NMD3: variants seen among roughly 807,000 people sequenced by gnomAD.
NMD3 encodes the protein NMD3 ribosome export adaptor.
A neutral mutation model predicts 73.1 loss-of-function variants in NMD3; 47 were observed. That is an observed-to-expected ratio of 0.64 (90% CI 0.51 to 0.82). NMD3 has a LOEUF of 0.82. Ranked by LOEUF, NMD3 falls within the 40% of genes least tolerant of loss-of-function variation. The pLI is 0.00. For synonymous variants in NMD3, 210 were observed against 194.5 expected, an observed-to-expected ratio of 1.08 and a Z score of -0.66; for missense variants, 554 against 612.5, an observed-to-expected ratio of 0.90 and a Z score of 1.01.
chr3:161,247,770 C>T (rs1358842810), intron 13 of NMD3, among the ~76,000 whole-genome samples: 1 of 137,346 alleles, frequency 7.3e-6, no homozygotes, highest in African/African-American at 2.8e-5. Context: ...GGCTGGGCAA[C>T]AAGAACAAAA....
At chr3:161,223,666 GCTATGGT>G (rs2108072613) in intron 2 of NMD3, among the ~76,000 whole-genome samples, 1 of 152,324 alleles carries the variant, frequency 6.6e-6, no homozygotes, top group Non-Finnish European at 1.5e-5. Flanking sequence ...GTTCACCTAA[GCTATGGT>G]CCTCTGTATG....
intron 2 of NMD3, among the ~76,000 whole-genome samples, chr3:161,224,659 G>C (rs990388564): frequency 3.0e-4 from 45 of 151,822 alleles, no homozygotes; most frequent in Non-Finnish European, 5.9e-5. Context: ...GCTAATTTTT[G>C]TATTTTTAGT....
chr3:161,240,882 A>G (rs1404318418), intron 9 of NMD3, among the ~76,000 whole-genome samples, 164 bp from the exon 10 acceptor site: 1 of 151,842 alleles, frequency 6.6e-6, no homozygotes, highest in East Asian at 1.9e-4. Context: ...GATGCCTGTC[A>G]TACTTAAGGT....
chr3:161,250,923 G>T lies in NMD3; in HGVS notation c.*13G>T. The T allele has an allele frequency of 6.2e-7, 1 of 1,607,428 alleles. No homozygotes were observed. Among genetic ancestry groups the T allele is most frequent in the Non-Finnish European group, 8.5e-7 (1 of 1,175,986 alleles). The stretch of plus-strand genomic sequence containing the variant: ...AATGCTGACATAATGAGATGTTGTA[G>T]ACTGTTTCCATACATGGGCTTAAGA... On this transcript the variant is annotated 3_prime_UTR_variant, in exon 16 of 16. Transcript: ENST00000351193.
At chr3:161,246,942 TTG>T (rs1491074983) in intron 12 of NMD3, among the ~76,000 whole-genome samples, 4 of 150,482 alleles carry the variant, frequency 2.7e-5, no homozygotes, top group Admixed American at 6.6e-5. Context: ...TGTTTTTTTT[TTG>T]TTTGTTTGTT....
chr3:161,223,409 T>C (rs1736185746), intron 2 of NMD3, among the ~76,000 whole-genome samples: 2 of 152,144 alleles, frequency 1.3e-5, no homozygotes, highest in Admixed American at 6.5e-5. Flanking sequence ...TCATTTATAC[T>C]GAGTCTCTAG....
At chr3:161,250,367 TAAGTA>T in intron 15 of NMD3, 41 bp downstream of exon 15, 1 of 1,141,450 alleles carries the variant, frequency 8.8e-7, no homozygotes, top group Non-Finnish European at 1.3e-6. Flanking sequence ...GTTCTGTATA[TAAGTA>T]TAGTTCCTAG....
chr3:161,250,236 A>C lies in NMD3; in HGVS notation c.1311-20A>C. 3.0e-6 allele frequency: 4 copies of C among 1,341,922 alleles called. No homozygotes were observed. The highest frequency in any genetic ancestry group is 4.3e-6 in the Non-Finnish European group (4 of 936,496). The allele number at this position is 1,341,922 out of a possible 1,614,324, so 83.1% of individuals were successfully genotyped here. A position where few individuals can be genotyped will look rare whatever the true frequency, so the allele number is the denominator to read the frequency against. On this transcript the variant is annotated intron_variant, in intron 14 of 15. Transcript: ENST00000351193. ...ATAACTATATTTTTGGTGATGAAAT[A>C]TTTAAATGTTTATTTAAAGGCAATA...
intron 6 of NMD3, 26 bp from the exon 7 acceptor site, chr3:161,235,096 T>C: frequency 8.1e-7 from 1 of 1,238,826 alleles, no homozygotes; most frequent in Admixed American, 2.0e-5. Flanking sequence ...GTGGGGCATT[T>C]ATTGATCAAA....
chr3:161,238,673 G>T, intron 8 of NMD3, 57 bp from the exon 9 acceptor site: 1 of 832,050 alleles, frequency 1.2e-6, no homozygotes, highest in Non-Finnish European at 2.1e-6. Context: ...ATATTCCTGA[G>T]TCCATACAGG....
chr3:161,227,437 ATTTTTT>A (rs55825529), intron 4 of NMD3, 94 bp downstream of exon 4: 48 of 360,744 alleles, frequency 1.3e-4, no homozygotes, highest in East Asian at 2.0e-4. Context: ...TTCAAAAGGA[ATTTTTT>A]TTTTTTTTTT....
Position 161,242,689 on chromosome 3 carries a change from TC to T in NMD3, c.1017+40del, listed in dbSNP as rs777105710. The T allele has an allele frequency of 1.1e-5, 18 of 1,585,978 alleles. No homozygotes were observed. The South Asian group carries it at 1.9e-4, about 16-fold the overall frequency. The stretch of plus-strand genomic sequence containing the variant: ...TCCTGCCTGCCAGTGTATTTTTTTT[TC>T]CCCTCAGTTATTATTGTTTCAGTCC... On this transcript the variant is annotated intron_variant, in intron 11 of 15. Coordinates refer to ENST00000351193, the MANE Select transcript of NMD3 (RefSeq NM_015938.5).
chr3:161,244,463 T>G (rs1737112906), intron 11 of NMD3, among the ~76,000 whole-genome samples: 2 of 152,156 alleles, frequency 1.3e-5, no homozygotes, highest in South Asian at 4.1e-4. Context: ...AGCAAATATT[T>G]TTAGAGTAAA....
chr3:161,234,553 G>A (rs544084476), intron 5 of NMD3, among the ~76,000 whole-genome samples, 174 bp from the exon 6 acceptor site: 17 of 151,834 alleles, frequency 1.1e-4, no homozygotes, highest in Admixed American at 3.9e-4. Context: ...TCTGTATACC[G>A]TTCTTGAAAT....
At chr3:161,235,429 A>T in intron 7 of NMD3, 3 of 318,020 alleles carry the variant, frequency 9.4e-6, no homozygotes, top group Non-Finnish European at 1.8e-5. Context: ...ATGTGGCTAG[A>T]GCAACTGAGA....
At chr3:161,239,506 A>G (rs1359429943) in intron 9 of NMD3, among the ~76,000 whole-genome samples, 1 of 152,194 alleles carries the variant, frequency 6.6e-6, no homozygotes, top group African/African-American at 2.4e-5. Flanking sequence ...TGACCATTCT[A>G]CATAAAGTTA....
chr3:161,244,858 C>T (rs916490354), intron 11 of NMD3, among the ~76,000 whole-genome samples: 5 of 151,960 alleles, frequency 3.3e-5, no homozygotes, highest in African/African-American at 4.8e-5. Flanking sequence ...CTACTGCCTC[C>T]CTTATAGGAA....
At chr3:161,226,546 A>T (rs1166986998) in intron 3 of NMD3, among the ~76,000 whole-genome samples, 2 of 152,226 alleles carry the variant, frequency 1.3e-5, no homozygotes, top group Admixed American at 1.3e-4. Context: ...GTGAAAGTCA[A>T]AACTTTCTGT....
chr3:161,249,334 C>T (rs1737381386), intron 13 of NMD3, 120 bp from the exon 14 acceptor site: 1 of 595,316 alleles, frequency 1.7e-6, no homozygotes, highest in Non-Finnish European at 3.0e-6. Flanking sequence ...TCCATCCCTT[C>T]TCCTTTCTCC....
Sources: allele counts gnomAD v4.1 joint callset (sites outside exome capture counted in the v4.1 genomes callset), GRCh38; gene constraint gnomAD v4.1.1; transcripts MANE v1.5; gene names NCBI Gene and HGNC (gene_info 2026-07-23, HGNC 2026-07-21).